The following NEDD9 variants were observed in gnomAD, a reference collection of about 807,000 sequenced individuals.
NEDD9 encodes enhancer of filamentation 1.
NEDD9 carries 26 observed loss-of-function variants against 76.6 expected under a neutral mutation model. The ratio of observed to expected loss-of-function variants is 0.34; its 90% CI spans 0.25 to 0.47. NEDD9 has a LOEUF of 0.47. Among genes scored for constraint, NEDD9 ranks in the 20% least tolerant of loss-of-function variants. The probability of loss-of-function intolerance (pLI) is 1.00; values close to 1 mark genes in which losing one functional copy is unlikely to be tolerated. For synonymous variants in NEDD9, 392 were observed against 414.2 expected (o/e 0.95, Z 0.65); for missense variants, 937 against 1,058.5 (o/e 0.89, Z 1.59).
intron 3 of NEDD9, among the ~76,000 whole-genome samples, chr6:11,266,910 G>A (rs572604110): frequency 6.6e-6 from 1 of 152,288 alleles, no homozygotes; most frequent in South Asian, 2.1e-4. Flanking sequence ...TGTGTGTAGG[G>A]AATGAATTAC....
intron 3 of NEDD9, among the ~76,000 whole-genome samples, chr6:11,290,036 G>A (rs557022998): frequency 1.2e-4 from 19 of 152,174 alleles, no homozygotes; most frequent in African/African-American, 3.9e-4. Flanking sequence ...TTGTGTAGAC[G>A]GTTCCACGGG....
At chr6:11,313,490 T>C (rs1761443353) in intron 2 of NEDD9, among the ~76,000 whole-genome samples, 1 of 130,802 alleles carries the variant, frequency 7.6e-6, no homozygotes, top group African/African-American at 2.8e-5. Flanking sequence ...GATAGATGGA[T>C]GGATGGCAGA....
chr6:11,311,377 T>C (rs1322987965), intron 2 of NEDD9, among the ~76,000 whole-genome samples: 1 of 152,188 alleles, frequency 6.6e-6, no homozygotes, highest in East Asian at 1.9e-4. Context: ...GGGCAGATTC[T>C]TTCCTTACAG....
chr6:11,280,627 A>T (rs1223409190), intron 3 of NEDD9, among the ~76,000 whole-genome samples: 2 of 152,206 alleles, frequency 1.3e-5, no homozygotes, highest in Non-Finnish European at 2.9e-5. Context: ...TGGAGAAGGA[A>T]GTAAAGTCTG....
At chr6:11,276,129 G>A (rs1290620935) in intron 3 of NEDD9, among the ~76,000 whole-genome samples, 1 of 152,172 alleles carries the variant, frequency 6.6e-6, no homozygotes, top group Non-Finnish European at 1.5e-5. Context: ...ACATCTTTCA[G>A]TTGTGCAAAC....
chr6:11,316,322 A>T (rs1011081378), intron 2 of NEDD9, among the ~76,000 whole-genome samples: 4 of 152,218 alleles, frequency 2.6e-5, no homozygotes, highest in Non-Finnish European at 5.9e-5. Flanking sequence ...CAGCTCAGAG[A>T]ACAAGACTAT....
At chr6:11,299,882 T>C (rs1760996805) in intron 3 of NEDD9, among the ~76,000 whole-genome samples, 1 of 152,016 alleles carries the variant, frequency 6.6e-6, no homozygotes, top group Admixed American at 6.5e-5. Context: ...CAAAGGTAGA[T>C]AAAACCACAA....
chr6:11,228,466 G>A (rs950184238), intron 1 of NEDD9, among the ~76,000 whole-genome samples: 1 of 152,168 alleles, frequency 6.6e-6, no homozygotes, highest in African/African-American at 2.4e-5. Context: ...GGAGGCAGAG[G>A]TCGCAGTGAG....
Position 11,190,723 on chromosome 6 carries a change from C to T in NEDD9, c.1146G>A (p.Thr382=), listed in dbSNP as rs201918546. The T allele has an allele frequency of 2.6e-5, 42 of 1,614,102 alleles. No individual in the cohort carries two copies. The highest frequency in any genetic ancestry group is 1.3e-4 in the East Asian group (6 of 44,880). ...STGSTRSNMS[T]SSTSSKESSL... ...AGGACTCCTTGGAGGAGGTGGAAGA[C>T]GTGGACATGTTACTCCGGGTGCTGC... The change falls in exon 5 of 7, where the codon ACG becomes ACA. Residue 382 remains threonine (T), a synonymous_variant. Coordinates refer to ENST00000379446, the MANE Select transcript of NEDD9 (RefSeq NM_006403.4). This position sits in a 1 kb window ranked among gnomAD's most constrained non-coding sequence, Gnocchi z 5.8.
At chr6:11,371,743 C>T (rs190504370) in intron 1 of NEDD9, among the ~76,000 whole-genome samples, 12 of 152,232 alleles carry the variant, frequency 7.9e-5, no homozygotes, top group Non-Finnish European at 1.3e-4. Context: ...GCTACACATC[C>T]CTGTGTCCTC....
At chr6:11,188,947 A>T (rs901163326) in intron 5 of NEDD9, among the ~76,000 whole-genome samples, 2 of 146,014 alleles carry the variant, frequency 1.4e-5, no homozygotes, top group South Asian at 2.2e-4. Context: ...ATCTTGGTAG[A>T]TTTTTTTTTT....
At position 11,240,150 on chromosome 6, in the gene NEDD9, G is replaced by T. The variant is rs114781208; in HGVS notation, c.13-26423C>A. Among the ~76,000 whole-genome samples the T allele has an allele frequency of 5.2e-3, 788 of 152,040 alleles. 7 individuals are homozygous for T. The highest frequency in any genetic ancestry group is 0.018 in the African/African-American group (728 of 41,460). On this transcript the variant is annotated intron_variant, in intron 3 of 3. Transcript: ENST00000397378. Reference sequence around the variant, plus strand: ...TGATCCCTGAATTTCTTCTCATTTGGTTCCCTCCTAACTCATTTCGCTCTC... The same window carrying T: ...TGATCCCTGAATTTCTTCTCATTTGTTTCCCTCCTAACTCATTTCGCTCTC...
At chr6:11,281,897 A>G (rs1158326601) in intron 3 of NEDD9, among the ~76,000 whole-genome samples, 2 of 151,886 alleles carry the variant, frequency 1.3e-5, no homozygotes, top group East Asian at 1.9e-4. Context: ...ACAGGCACAC[A>G]CCACCCCAAC....
chr6:11,230,549 A>G (rs564586450), intron 1 of NEDD9, among the ~76,000 whole-genome samples: 1 of 152,350 alleles, frequency 6.6e-6, no homozygotes, highest in East Asian at 1.9e-4. Flanking sequence ...CAATAACAAA[A>G]TCCTTTCCTG....
chr6:11,228,474 G>A (rs1759373931), intron 1 of NEDD9, among the ~76,000 whole-genome samples: 2 of 152,164 alleles, frequency 1.3e-5, no homozygotes, highest in African/African-American at 2.4e-5. Flanking sequence ...AGGTCGCAGT[G>A]AGCTGAGGTG....
chr6:11,206,522 C>T (rs991942388), intron 2 of NEDD9, among the ~76,000 whole-genome samples: 1 of 152,168 alleles, frequency 6.6e-6, no homozygotes, highest in African/African-American at 2.4e-5. Flanking sequence ...CCTACTTAGC[C>T]AGACATCATA....
chr6:11,343,021 G>T (rs1198426095), intron 1 of NEDD9, among the ~76,000 whole-genome samples: 2 of 152,104 alleles, frequency 1.3e-5, no homozygotes, highest in Non-Finnish European at 1.5e-5. Context: ...AGCTTGATTA[G>T]GGTAGTGGAT....
intron 1 of NEDD9, among the ~76,000 whole-genome samples, chr6:11,220,034 A>G (rs1480030499): frequency 6.6e-6 from 1 of 152,212 alleles, no homozygotes; most frequent in African/African-American, 2.4e-5. Context: ...ATGATATAAT[A>G]TAAGATATGC....
At chr6:11,352,394 G>T (rs1762486777) in intron 1 of NEDD9, 2 of 152,200 alleles carry the variant, frequency 1.3e-5, no homozygotes, top group African/African-American at 4.8e-5. Flanking sequence ...CAGCCGCTCG[G>T]TGGCCGGCCT....
Sources: allele counts gnomAD v4.1 joint callset (sites outside exome capture counted in the v4.1 genomes callset), GRCh38; gene constraint gnomAD v4.1.1; non-coding constraint Gnocchi (gnomAD v3.1); transcripts MANE v1.5; gene names NCBI Gene and HGNC (gene_info 2026-07-23, HGNC 2026-07-21).